Variants in GALNTL6 observed in about 807,000 individuals in gnomAD.
GALNTL6 encodes polypeptide N-acetylgalactosaminyltransferase like 6, also known as polypeptide N-acetylgalactosaminyltransferase-like 6.
A neutral mutation model predicts 73.7 loss-of-function variants in GALNTL6; 46 were observed. The ratio of observed to expected loss-of-function variants is 0.62; its 90% CI spans 0.49 to 0.80. GALNTL6 has a LOEUF of 0.80. GALNTL6 is among the 30% of genes least tolerant of loss of function. The pLI, the probability that GALNTL6 is intolerant of heterozygous loss-of-function variation, is 0.00. For synonymous variants in GALNTL6, 259 were observed against 263.7 expected (o/e 0.98, Z 0.17); for missense variants, 604 against 755.0 (o/e 0.80, Z 2.34).
chr4:173,024,836 C>T (rs1753168256), intron 12 of GALNTL6, among the ~76,000 whole-genome samples: 1 of 152,176 alleles, frequency 6.6e-6, no homozygotes, highest in Admixed American at 6.5e-5. Context: ...ACCTTAGCCA[C>T]CCAAAATGCT....
chr4:172,594,246 T>C (rs1365627477), intron 5 of GALNTL6, among the ~76,000 whole-genome samples: 1 of 152,118 alleles, frequency 6.6e-6, no homozygotes, highest in Non-Finnish European at 1.5e-5. Context: ...CTCGGGAGGC[T>C]GAGGCAGAGA....
intron 12 of GALNTL6, among the ~76,000 whole-genome samples, chr4:173,035,160 A>T (rs1204386511): frequency 6.7e-6 from 1 of 148,560 alleles, no homozygotes. Flanking sequence ...TTTGTTACAT[A>T]TGTATACATG....
intron 5 of GALNTL6, among the ~76,000 whole-genome samples, chr4:172,531,190 A>C (rs1214434654): frequency 6.6e-6 from 1 of 152,220 alleles, no homozygotes; most frequent in Non-Finnish European, 1.5e-5. Context: ...TACTTACTGC[A>C]GCTGTCTGAG....
chr4:172,760,082 C>T (rs940937231), intron 5 of GALNTL6, among the ~76,000 whole-genome samples: 3 of 151,076 alleles, frequency 2.0e-5, no homozygotes, highest in Non-Finnish European at 4.4e-5. Context: ...ATGATCCACC[C>T]GCCTCGGCCT....
chr4:172,863,755 G>A (rs572674984), intron 7 of GALNTL6, among the ~76,000 whole-genome samples: 101 of 152,234 alleles, frequency 6.6e-4, no homozygotes, highest in African/African-American at 2.2e-3. Flanking sequence ...TAAGATATTG[G>A]GGGAACTGTT....
chr4:172,540,119 C>T (rs1005059926), intron 5 of GALNTL6, among the ~76,000 whole-genome samples: 7 of 148,340 alleles, frequency 4.7e-5, no homozygotes, highest in Non-Finnish European at 8.9e-5. Flanking sequence ...AGTGCGATCT[C>T]AGCCCACTGC....
intron 2 of GALNTL6, among the ~76,000 whole-genome samples, chr4:171,958,927 A>G (rs1739135306): frequency 1.3e-5 from 2 of 152,104 alleles, no homozygotes; most frequent in African/African-American, 4.8e-5. Flanking sequence ...AAAGTATCTT[A>G]TAATAAAATA....
intron 11 of GALNTL6, among the ~76,000 whole-genome samples, chr4:173,013,554 C>G (rs1208544278): frequency 6.6e-5 from 10 of 151,776 alleles, no homozygotes; most frequent in African/African-American, 1.2e-4. Flanking sequence ...CCGCACCCCC[C>G]ACGTCCCCCA....
intron 7 of GALNTL6, among the ~76,000 whole-genome samples, chr4:172,833,170 C>T (rs1394960669): frequency 2.0e-5 from 3 of 152,128 alleles, no homozygotes; most frequent in African/African-American, 4.8e-5. Flanking sequence ...TGCACCTGGC[C>T]GCAAGACCAG....
At chr4:172,705,859 T>G (rs116177771) in intron 5 of GALNTL6, among the ~76,000 whole-genome samples, 6 of 152,238 alleles carry the variant, frequency 3.9e-5, no homozygotes, top group Admixed American at 6.5e-5. Flanking sequence ...TCAGATCTCT[T>G]TTATATATGA....
chr4:172,306,876 A>G (rs186005410), intron 3 of GALNTL6, among the ~76,000 whole-genome samples: 49 of 152,260 alleles, frequency 3.2e-4, no homozygotes, highest in African/African-American at 1.2e-3. Flanking sequence ...ATGAGCATTT[A>G]GGCTGGTTCC....
At chr4:173,014,765 T>G (rs1182134743) in intron 11 of GALNTL6, among the ~76,000 whole-genome samples, 1 of 152,168 alleles carries the variant, frequency 6.6e-6, no homozygotes. Context: ...AAGAGATAAG[T>G]GTATTGGCAG....
chr4:172,452,104 C>A (rs1209846415), intron 5 of GALNTL6, among the ~76,000 whole-genome samples: 1 of 152,060 alleles, frequency 6.6e-6, no homozygotes, highest in Non-Finnish European at 1.5e-5. Context: ...CAGAATGAAA[C>A]CTGCAAACGA....
chr4:172,044,300 G>C (rs1742160618), intron 2 of GALNTL6, among the ~76,000 whole-genome samples: 1 of 151,688 alleles, frequency 6.6e-6, no homozygotes, highest in East Asian at 1.9e-4. Flanking sequence ...TATTAGGTTG[G>C]TGCAAAAGTA....
At chr4:172,911,205 T>G (rs1330866685) in intron 8 of GALNTL6, among the ~76,000 whole-genome samples, 1 of 152,230 alleles carries the variant, frequency 6.6e-6, no homozygotes, top group Non-Finnish European at 1.5e-5. Flanking sequence ...TCAATCTCAT[T>G]TTACGATTTT....
chr4:172,622,164 A>G lies in GALNTL6; in HGVS notation c.554-187197A>G, dbSNP rs538296868. ...GAAAATAAGAAAAAGAAAGATAGTT[A>G]TGAAAAATAGTCCAGTTTTCCCAAC... On this transcript the variant is annotated intron_variant, in intron 5 of 12. Transcript: ENST00000506823. Among the ~76,000 whole-genome samples, 20 of 152,342 alleles carry G rather than the reference A, an allele frequency of 1.3e-4. No homozygotes were observed. In the East Asian group the frequency reaches 3.7e-3, roughly 28 times the overall value.
At chr4:172,209,139 A>G (rs1407936954) in intron 2 of GALNTL6, among the ~76,000 whole-genome samples, 2 of 152,084 alleles carry the variant, frequency 1.3e-5, no homozygotes, top group African/African-American at 2.4e-5. Flanking sequence ...AACTGATGTC[A>G]TATTCTTAAT....
intron 2 of GALNTL6, among the ~76,000 whole-genome samples, chr4:171,933,336 T>C (rs1016150122): frequency 7.2e-5 from 11 of 152,206 alleles, no homozygotes; most frequent in African/African-American, 2.7e-4. Context: ...ACCTGGGTGC[T>C]GTCAAAAATT....
intron 2 of GALNTL6, among the ~76,000 whole-genome samples, chr4:171,827,524 C>G (rs1225753781): frequency 6.6e-6 from 1 of 152,152 alleles, no homozygotes; most frequent in African/African-American, 2.4e-5. Flanking sequence ...TTTCAGTTAT[C>G]AAATTTAGGT....
Sources: allele counts gnomAD v4.1 joint callset (sites outside exome capture counted in the v4.1 genomes callset), GRCh38; gene constraint gnomAD v4.1.1; transcripts MANE v1.5; gene names NCBI Gene and HGNC (gene_info 2026-07-23, HGNC 2026-07-21).